ECE1: variants seen among roughly 807,000 people sequenced by gnomAD.
ECE1 encodes the protein endothelin-converting enzyme 1.
In ECE1, 35 loss-of-function variants were observed where a neutral mutation model predicts 98.6. The observed-to-expected ratio is 0.35, with a 90% CI of 0.27 to 0.47. The LOEUF is 0.47. ECE1 is among the 20% of genes least tolerant of loss of function. The pLI is 1.00. For synonymous variants in ECE1, 394 were observed against 407.1 expected, an observed-to-expected ratio of 0.97 and a Z score of 0.39; for missense variants, 814 against 1,025.3, an observed-to-expected ratio of 0.79 and a Z score of 2.81.
chr1:21,342,394 C>T (rs1156665022), intron 1 of ECE1, among the ~76,000 whole-genome samples: 1 of 152,092 alleles, frequency 6.6e-6, no homozygotes, highest in African/African-American at 2.4e-5. Flanking sequence ...TGAGTACAAC[C>T]GGAGGCAGGA....
rs766155149 is a variant in ECE1, at chr1:21,322,702, G to A, written c.3+22674C>T. Among the ~76,000 whole-genome samples the A allele has an allele frequency of 7.9e-5, 12 of 152,344 alleles. No homozygotes were observed. Among genetic ancestry groups the A allele is most frequent in the Admixed American group, 3.9e-4 (6 of 15,308 alleles). On this transcript the variant is annotated intron_variant, in intron 1 of 18. Coordinates refer to the ECE1 transcript ENST00000415912. The surrounding 1 kb of genome is among the most constrained non-coding windows in gnomAD (Gnocchi z 4.1). ...GGACAAGAAAACCCAGCGATGGAGA[G>A]GAGAGGCACAGGAAAGGGGGCAGAC...
chr1:21,345,143 AAGC>A lies in ECE1; in HGVS notation c.3+230_3+232del, dbSNP rs1639473705. The A allele has an allele frequency of 1.6e-5, 6 of 367,510 alleles. No homozygotes were observed. The highest frequency in any genetic ancestry group is 4.4e-5 in the African/African-American group (2 of 45,974). 22.8% of individuals were successfully genotyped at this position (367,510 alleles called of 1,614,324 possible). On this transcript the variant is annotated intron_variant, in intron 1 of 18. Transcript: ENST00000415912. The surrounding 1 kb of genome is among the most constrained non-coding windows in gnomAD (Gnocchi z 5.1). ...CCCACATCCGGCTGGGACCAGAACC[AAGC>A]TCGGCGCGGCCGCCCCCGACGGGAC...
At chr1:21,240,546 T>C (rs1486720040) in intron 10 of ECE1, among the ~76,000 whole-genome samples, 3 of 152,192 alleles carry the variant, frequency 2.0e-5, no homozygotes, top group African/African-American at 4.8e-5. Flanking sequence ...TGCATTTTTA[T>C]TGTATGTAAA....
chr1:21,306,499 G>A (rs1297794832), intron 1 of ECE1, among the ~76,000 whole-genome samples: 1 of 151,972 alleles, frequency 6.6e-6, no homozygotes, highest in South Asian at 2.1e-4. Context: ...ACCACGCCTG[G>A]CTAATTTTTG....
At chr1:21,318,917 G>C (rs1443274802) in intron 1 of ECE1, among the ~76,000 whole-genome samples, 1 of 152,216 alleles carries the variant, frequency 6.6e-6, no homozygotes, top group African/African-American at 2.4e-5. Flanking sequence ...CGTCAGCAGA[G>C]GCAGATGCGA....
Position 21,219,897 on chromosome 1 carries a change from TG to T in ECE1, c.*57del. On this transcript the variant is annotated 3_prime_UTR_variant, in exon 19 of 19. Transcript: ENST00000374893. The surrounding 1 kb of genome is among the most constrained non-coding windows in gnomAD (Gnocchi z 4.5). Reference sequence around the variant, plus strand: ...GCTGAGCAATGCCCTGGAGGCTGGATGGGGGTCTCGTCCTCAGCCCCTTCCC... The same window carrying T: ...GCTGAGCAATGCCCTGGAGGCTGGATGGGGTCTCGTCCTCAGCCCCTTCCC... The T allele has an allele frequency of 1.2e-6, 2 of 1,604,038 alleles. No individual in the cohort carries two copies. Among genetic ancestry groups the T allele is most frequent in the Non-Finnish European group, 1.7e-6 (2 of 1,174,276 alleles).
chr1:21,285,604 C>T (rs1038788968), intron 2 of ECE1, among the ~76,000 whole-genome samples: 4 of 150,904 alleles, frequency 2.7e-5, no homozygotes, highest in African/African-American at 4.9e-5. Flanking sequence ...GTGAGAGGAT[C>T]GCTTGAGCCC....
In ECE1 at chr1:21,272,781, G is replaced by A. The variant is rs776650643; in HGVS notation, c.411C>T (p.Asn137=). Residue 137 remains asparagine, a synonymous_variant, in exon 4 of 19, where the codon AAC becomes AAT. Coordinates refer to ENST00000374893, the MANE Select transcript of ECE1 (RefSeq NM_001397.3). The part of the protein sequence containing the change: ...SYACGGWIKA[N]PVPDGHSRWG... ...AGCGTGAGTGGCCATCAGGGACTGG[G>A]TTGGCCTTGATCCAGCCCCCACAGG... The A allele has an allele frequency of 1.9e-6, 3 of 1,614,166 alleles. No homozygotes were observed. In the African/African-American group the frequency reaches 4.0e-5, roughly 22 times the overall value.
intron 9 of ECE1, among the ~76,000 whole-genome samples, chr1:21,245,794 A>G (rs1302734417): frequency 5.9e-5 from 9 of 152,218 alleles, no homozygotes; most frequent in Admixed American, 5.9e-4. Flanking sequence ...ACAAGGGGGA[A>G]AATGTTCAGG....
chr1:21,261,717 T>A (rs1212278651), intron 4 of ECE1, among the ~76,000 whole-genome samples: 1 of 152,192 alleles, frequency 6.6e-6, no homozygotes, highest in Non-Finnish European at 1.5e-5. Flanking sequence ...GACAGTGCTA[T>A]GAACAACGCA....
chr1:21,225,197 T>C lies in ECE1; in HGVS notation c.2040+53A>G, dbSNP rs963890287. 1.2e-6 allele frequency: 2 copies of C among 1,602,246 alleles called. No homozygotes were observed. The highest frequency in any genetic ancestry group is 1.7e-6 in the Non-Finnish European group (2 of 1,172,702). ...CGTGATGATCCTCTACGGACAGGCA[T>C]CTGGAAGGAGCCAGCACTGGGACCG... On this transcript the variant is annotated intron_variant, in intron 17 of 18. Coordinates refer to ENST00000374893, the MANE Select transcript of ECE1 (RefSeq NM_001397.3). The surrounding 1 kb of genome is among the most constrained non-coding windows in gnomAD (Gnocchi z 5.3).
chr1:21,257,615 G>A (rs781717231), intron 6 of ECE1, 25 bp from the exon 7 acceptor site: 2 of 1,613,854 alleles, frequency 1.2e-6, no homozygotes, highest in Non-Finnish European at 1.7e-6. Flanking sequence ...AGGCATGAGA[G>A]GGAATTCGTG....
At chr1:21,252,304 T>TA (rs1385816294) in intron 8 of ECE1, among the ~76,000 whole-genome samples, 1 of 152,218 alleles carries the variant, frequency 6.6e-6, no homozygotes, top group East Asian at 1.9e-4. Flanking sequence ...ACTCCTATCT[T>TA]AAACACATGT....
intron 1 of ECE1, chr1:21,299,156 T>A (rs1321026089): frequency 3.9e-6 from 1 of 257,586 alleles, no homozygotes; most frequent in Non-Finnish European, 8.1e-6. Context: ...CCAGTAATTG[T>A]GCTCAACCAG....
Position 21,319,718 on chromosome 1 carries a change from G to A in ECE1, c.3+25658C>T, listed in dbSNP as rs1465452612. ...TTCTCGCCACTCCCTACCAGGCACC[G>A]GGAGGCACGGCTCACTGTTCCCTAG... On this transcript the variant is annotated intron_variant, in intron 1 of 18. Transcript: ENST00000415912. The surrounding 1 kb of genome is among the most constrained non-coding windows in gnomAD (Gnocchi z 4.4). 1.3e-5 allele frequency among the ~76,000 whole-genome samples: 2 copies of A among 152,172 alleles called. No individual in the cohort carries two copies. The highest frequency in any genetic ancestry group is 2.4e-5 in the African/African-American group (1 of 41,442).
At chr1:21,265,328 T>C (rs547252881) in intron 4 of ECE1, among the ~76,000 whole-genome samples, 1 of 152,230 alleles carries the variant, frequency 6.6e-6, no homozygotes, top group Admixed American at 6.5e-5. Flanking sequence ...GGTCAGGAGT[T>C]TGAGACCAGC....
chr1:21,238,152 G>A lies in ECE1; in HGVS notation c.1371C>T (p.Ala457=), dbSNP rs371232999. 1.5e-5 allele frequency: 24 copies of A among 1,614,120 alleles called. No homozygotes were observed. Among genetic ancestry groups the A allele is most frequent in the East Asian group, 2.2e-5 (1 of 44,900 alleles). The change falls in exon 11 of 19, where the codon GCC becomes GCT. Residue 457 remains alanine, a synonymous_variant. Transcript: ENST00000374893. ...LGPMFVKATF[A]EDSKSIATEI... ...CACTTACTATGCTCTTGCTGTCCTCGGCGAAGGTTGCTTTGACAAACATGG... is the reference window on the plus strand; with the variant it reads ...CACTTACTATGCTCTTGCTGTCCTCAGCGAAGGTTGCTTTGACAAACATGG...
rs549637386 is a variant in ECE1, at chr1:21,221,097, A to G, written c.2136+650T>C. On this transcript the variant is annotated intron_variant, in intron 18 of 18. Coordinates refer to ENST00000374893, the MANE Select transcript of ECE1 (RefSeq NM_001397.3). Reference sequence around the variant, plus strand: ...CCAGATCTCTCATTTCCTGGGCAGAACAAATTGTCTAATGGCCTGGTAGCT... The same window carrying G: ...CCAGATCTCTCATTTCCTGGGCAGAGCAAATTGTCTAATGGCCTGGTAGCT... Among the ~76,000 whole-genome samples the G allele has an allele frequency of 2.0e-5, 3 of 152,342 alleles. No homozygotes were observed. The South Asian group carries it at 6.2e-4, about 32-fold the overall frequency.
intron 14 of ECE1, among the ~76,000 whole-genome samples, chr1:21,229,531 A>G (rs1024910871): frequency 1.3e-5 from 2 of 152,188 alleles, no homozygotes; most frequent in African/African-American, 2.4e-5. Context: ...CACCTCAAGG[A>G]AAACAACTCA....
Sources: gnomAD v4.1 joint callset for allele counts (sites outside exome capture counted in the v4.1 genomes callset) on GRCh38, gnomAD v4.1.1 for gene constraint, Gnocchi (gnomAD v3.1) non-coding constraint, MANE v1.5 for transcripts, NCBI Gene and HGNC (gene_info 2026-07-23, HGNC 2026-07-21) for gene names.